The following ERBB4 variants were observed in gnomAD, a reference collection of about 807,000 sequenced individuals.
ERBB4 encodes the protein erb-b2 receptor tyrosine kinase 4.
In ERBB4, 42 loss-of-function variants were observed where a neutral mutation model predicts 158.0. The ratio of observed to expected loss-of-function variants is 0.27; its 90% CI spans 0.21 to 0.34. ERBB4 has a LOEUF of 0.34. ERBB4 is among the 10% of genes least tolerant of loss of function. ERBB4 has a pLI of 1.00. For synonymous variants in ERBB4, 583 were observed against 558.7 expected (o/e 1.04, Z -0.61); for missense variants, 1,333 against 1,624.1 (o/e 0.82, Z 3.08).
chr2:211,610,103 A>AAAAAAAAACTT (rs1491386980), intron 19 of ERBB4, among the ~76,000 whole-genome samples: 1 of 149,206 alleles, frequency 6.7e-6, no homozygotes, highest in Non-Finnish European at 1.5e-5. Context: ...CATTAAACTT[A>AAAAAAAAACTT]AAAAAAAAAG....
rs144875798 is a variant in ERBB4 at position 211,419,007 on chromosome 2, G to A, written c.3135+1434C>T. ...CTTTCCATATCAGATCTTCTAAATGGAGGTAGATGAGTAAAAGGTGTAGAG... is the reference window on the plus strand; with the variant it reads ...CTTTCCATATCAGATCTTCTAAATGAAGGTAGATGAGTAAAAGGTGTAGAG... On this transcript the variant is annotated intron_variant, in intron 25 of 27. Coordinates refer to ENST00000342788, the MANE Select transcript of ERBB4 (RefSeq NM_005235.3). Among the ~76,000 whole-genome samples, 19 of 152,194 alleles carry A rather than the reference G, an allele frequency of 1.2e-4. No individual in the cohort carries two copies. The East Asian group carries it at 2.5e-3, about 20-fold the overall frequency.
At chr2:211,824,780 C>T (rs1050281245) in intron 3 of ERBB4, among the ~76,000 whole-genome samples, 5 of 151,898 alleles carry the variant, frequency 3.3e-5, no homozygotes, top group South Asian at 2.1e-4. Flanking sequence ...TATAATTTTA[C>T]GTTATTTTTC....
At chr2:211,862,434 T>C (rs1357478970) in intron 3 of ERBB4, among the ~76,000 whole-genome samples, 1 of 152,148 alleles carries the variant, frequency 6.6e-6, no homozygotes, top group East Asian at 1.9e-4. Context: ...TTGTCTTAGA[T>C]GAGAAAAGGC....
At chr2:211,937,894 A>G (rs1660671875) in intron 3 of ERBB4, among the ~76,000 whole-genome samples, 1 of 152,162 alleles carries the variant, frequency 6.6e-6, no homozygotes, top group South Asian at 2.1e-4. Context: ...AGATACTTAT[A>G]CTGTGGAAAC....
rs66500425 is a variant in ERBB4, at chr2:211,875,050, A to AAAAAC, written c.421+72379_421+72380insGTTTT. Among the ~76,000 whole-genome samples, 268 of 75,210 alleles carry AAAAAC rather than the reference A, an allele frequency of 3.6e-3. 1 individual carries two copies. Among genetic ancestry groups the AAAAAC allele is most frequent in the Middle Eastern group, 6.4e-3 (1 of 156 alleles). 49.3% of individuals were successfully genotyped at this position (75,210 alleles called of 152,430 possible). A position where few individuals can be genotyped will look rare whatever the true frequency, so the allele number is the denominator to read the frequency against. ...CAAAAAAAAAAAAAAAAAAAAAAAAACAAACTCAAATAAAATGCTTTTAAT... is the reference window on the plus strand; with the variant it reads ...CAAAAAAAAAAAAAAAAAAAAAAAAAAAAACCAAACTCAAATAAAATGCTTTTAAT... On this transcript the variant is annotated intron_variant, in intron 3 of 27. Coordinates refer to ENST00000342788, the MANE Select transcript of ERBB4 (RefSeq NM_005235.3).
At chr2:211,875,440 G>A (rs894707447) in intron 3 of ERBB4, among the ~76,000 whole-genome samples, 3 of 152,062 alleles carry the variant, frequency 2.0e-5, no homozygotes, top group African/African-American at 7.2e-5. Flanking sequence ...GAATAATAAT[G>A]AGCAAATTTT....
chr2:212,242,422 G>C (rs1224279761), intron 1 of ERBB4, among the ~76,000 whole-genome samples: 1 of 151,900 alleles, frequency 6.6e-6, no homozygotes. Flanking sequence ...AATAACTTTA[G>C]AGTCATAAAG....
At position 212,248,314 on chromosome 2, in the gene ERBB4, G is replaced by C. The variant is rs143145233; in HGVS notation, c.83-123411C>G. Among the ~76,000 whole-genome samples, 74 of 152,182 alleles carry C rather than the reference G, an allele frequency of 4.9e-4. 1 individual carries two copies. The highest frequency in any genetic ancestry group is 1.4e-3 in the African/African-American group (58 of 41,538). On this transcript the variant is annotated intron_variant, in intron 1 of 27. Coordinates refer to ENST00000342788, the MANE Select transcript of ERBB4 (RefSeq NM_005235.3). ...GGTTCCATGTGGTAGAGCTTTATATGCACCTAATATGCCTTTTCCTTAATT... is the reference window on the plus strand; with the variant it reads ...GGTTCCATGTGGTAGAGCTTTATATCCACCTAATATGCCTTTTCCTTAATT...
chr2:212,411,321 CT>C (rs999110884), intron 1 of ERBB4, among the ~76,000 whole-genome samples: 1 of 152,066 alleles, frequency 6.6e-6, no homozygotes, highest in South Asian at 2.1e-4. Context: ...ATCTTAATAA[CT>C]TTTTTCTACC....
At chr2:211,787,905 G>A in intron 4 of ERBB4, 120 bp downstream of exon 4, 1 of 956,070 alleles carries the variant, frequency 1.0e-6, no homozygotes, top group Non-Finnish European at 1.6e-6. Flanking sequence ...ATATATAACT[G>A]AACATTTCAA....
At chr2:211,709,254 C>CATATATATAT (rs200613120) in intron 9 of ERBB4, among the ~76,000 whole-genome samples, 100 of 101,528 alleles carry the variant, frequency 9.8e-4, no homozygotes, top group African/African-American at 3.7e-3. Flanking sequence ...TATATATACA[C>CATATATATAT]ATATATATAT....
At chr2:211,645,849 T>C (rs2070765673) in intron 16 of ERBB4, among the ~76,000 whole-genome samples, 2 of 151,888 alleles carry the variant, frequency 1.3e-5, no homozygotes, top group African/African-American at 2.4e-5. Flanking sequence ...GCAATTCACA[T>C]ATATGAATAA....
intron 1 of ERBB4, among the ~76,000 whole-genome samples, chr2:212,263,292 T>G (rs530968157): frequency 1.3e-5 from 2 of 152,248 alleles, no homozygotes; most frequent in East Asian, 3.9e-4. Context: ...AACAAATTTC[T>G]GTTGTTTTAC....
chr2:212,099,420 T>G (rs2079021124), intron 2 of ERBB4, among the ~76,000 whole-genome samples: 1 of 152,130 alleles, frequency 6.6e-6, no homozygotes, highest in African/African-American at 2.4e-5. Context: ...TTCTCTTAAA[T>G]AGTAAAATAA....
chr2:212,106,127 T>C (rs72939804), intron 2 of ERBB4, among the ~76,000 whole-genome samples: 29,588 of 152,028 alleles, frequency 0.19, 6,209 homozygotes, highest in African/African-American at 0.53. Flanking sequence ...CCTTAAAATG[T>C]GGAAGTGACT....
intron 2 of ERBB4, among the ~76,000 whole-genome samples, chr2:212,028,692 C>T (rs1389406311): frequency 6.6e-6 from 1 of 152,062 alleles, no homozygotes; most frequent in Non-Finnish European, 1.5e-5. Flanking sequence ...CCAATTTGTG[C>T]CCTTTCTGCC....
intron 2 of ERBB4, among the ~76,000 whole-genome samples, chr2:212,102,134 T>G (rs2079104868): frequency 9.1e-6 from 1 of 110,150 alleles, no homozygotes; most frequent in Non-Finnish European, 2.2e-5. Context: ...ATCAACTTGT[T>G]TTAATAATTC....
In ERBB4 at chr2:212,353,862, G is replaced by T. The variant is rs116973819; in HGVS notation, c.82+184587C>A. ...TCAACTACAAGCAGAAATAACTGTT[G>T]TAACTTCTGGACCAGTGCAGTTAAG... On this transcript the variant is annotated intron_variant, in intron 1 of 27. Transcript: ENST00000342788. Among the ~76,000 whole-genome samples the T allele has an allele frequency of 2.8e-4, 42 of 152,240 alleles. No individual in the cohort carries two copies. In the East Asian group the frequency reaches 7.5e-3, roughly 27 times the overall value.
At chr2:212,293,377 A>C (rs934074163) in intron 1 of ERBB4, among the ~76,000 whole-genome samples, 2 of 152,018 alleles carry the variant, frequency 1.3e-5, no homozygotes, top group African/African-American at 4.8e-5. Flanking sequence ...TAAAAATCTG[A>C]TCTCATAATT....
Sources: allele counts gnomAD v4.1 joint callset (sites outside exome capture counted in the v4.1 genomes callset), GRCh38; gene constraint gnomAD v4.1.1; transcripts MANE v1.5; gene names NCBI Gene and HGNC (gene_info 2026-07-23, HGNC 2026-07-21).